The following EYS variants were observed in gnomAD, a reference collection of about 807,000 sequenced individuals.
EYS encodes protein eyes shut homolog.
A neutral mutation model predicts 282.1 loss-of-function variants in EYS; 250 were observed. That is an observed-to-expected ratio of 0.89 (90% CI 0.80 to 0.98). EYS has a LOEUF of 0.98. EYS is among the 50% of genes least tolerant of loss of function. The probability of loss-of-function intolerance (pLI) is 0.00; values close to 1 mark genes in which losing one functional copy is unlikely to be tolerated. For missense variants in EYS, 4,016 were observed against 3,709.0 expected (o/e 1.08, Z -2.15); for synonymous variants, 1,355 against 1,282.9 (o/e 1.06, Z -1.20).
chr6:65,365,327 T>C (rs1764874346), intron 8 of EYS, among the ~76,000 whole-genome samples: 1 of 151,404 alleles, frequency 6.6e-6, no homozygotes, highest in African/African-American at 2.4e-5. Context: ...GCCTGAAAAA[T>C]TTTCTGCCTG....
intron 18 of EYS, among the ~76,000 whole-genome samples, chr6:64,898,832 T>C (rs1562249122): frequency 6.6e-6 from 1 of 150,454 alleles, no homozygotes; most frequent in Non-Finnish European, 1.5e-5. Context: ...AAACAGACAT[T>C]AACCAACAAA....
intron 33 of EYS, among the ~76,000 whole-genome samples, chr6:64,055,558 T>C (rs1770957337): frequency 6.6e-6 from 1 of 152,182 alleles, no homozygotes; most frequent in Admixed American, 6.5e-5. Flanking sequence ...AATGAATCTA[T>C]AAAGATTCCT....
At chr6:65,022,055 G>A (rs1203965243) in intron 13 of EYS, among the ~76,000 whole-genome samples, 1 of 152,166 alleles carries the variant, frequency 6.6e-6, no homozygotes, top group Non-Finnish European at 1.5e-5. Context: ...ATATGGGTGG[G>A]AACACAGCCA....
At chr6:64,792,301 T>C (rs1023238682) in intron 22 of EYS, among the ~76,000 whole-genome samples, 2 of 151,976 alleles carry the variant, frequency 1.3e-5, no homozygotes, top group Non-Finnish European at 2.9e-5. Context: ...ACTCATAATG[T>C]TCTGGATCAG....
chr6:64,799,215 T>A (rs1331644041), intron 22 of EYS, among the ~76,000 whole-genome samples: 1 of 151,928 alleles, frequency 6.6e-6, no homozygotes, highest in Non-Finnish European at 1.5e-5. Context: ...TTAATTTAAA[T>A]GATGGTTCCT....
At chr6:64,470,361 A>G (rs557210839) in intron 26 of EYS, among the ~76,000 whole-genome samples, 1 of 152,366 alleles carries the variant, frequency 6.6e-6, no homozygotes, top group Admixed American at 6.5e-5. Context: ...TAGAAAAACA[A>G]TCAGGGAAAC....
intron 28 of EYS, among the ~76,000 whole-genome samples, chr6:64,427,174 C>T (rs542354902): frequency 2.0e-5 from 3 of 152,254 alleles, no homozygotes; most frequent in East Asian, 3.9e-4. Context: ...ACAGGATTAT[C>T]TAGGAATTTA....
intron 19 of EYS, among the ~76,000 whole-genome samples, chr6:64,844,559 T>C (rs1365081286): frequency 2.6e-5 from 4 of 152,058 alleles, no homozygotes; most frequent in Admixed American, 1.3e-4. Flanking sequence ...ATATTTAAAT[T>C]TTTGTAGACC....
At chr6:64,312,787 G>A (rs1007548920) in intron 29 of EYS, among the ~76,000 whole-genome samples, 4 of 152,242 alleles carry the variant, frequency 2.6e-5, no homozygotes, top group South Asian at 4.1e-4. Context: ...AGTAGCAGAG[G>A]GAACTGACTG....
At chr6:64,159,906 T>C (rs1387653365) in intron 31 of EYS, among the ~76,000 whole-genome samples, 1 of 152,190 alleles carries the variant, frequency 6.6e-6, no homozygotes, top group African/African-American at 2.4e-5. Flanking sequence ...GTTTCCTTTG[T>C]TCGGAATAAT....
chr6:64,374,692 G>A (rs1478066399), intron 29 of EYS, among the ~76,000 whole-genome samples: 2 of 152,128 alleles, frequency 1.3e-5, no homozygotes, highest in Non-Finnish European at 2.9e-5. Flanking sequence ...TCCTCTACGT[G>A]AGAGTGGCAT....
chr6:64,648,415 A>G (rs1302448668), intron 22 of EYS, among the ~76,000 whole-genome samples: 3 of 152,206 alleles, frequency 2.0e-5, no homozygotes, highest in Non-Finnish European at 4.4e-5. Context: ...GGTTGAAATG[A>G]TCATAAAATT....
At chr6:64,467,139 A>G (rs2150489515) in intron 26 of EYS, among the ~76,000 whole-genome samples, 1 of 152,334 alleles carries the variant, frequency 6.6e-6, no homozygotes, top group South Asian at 2.1e-4. Context: ...ACTTCTAATA[A>G]CATGGGACAA....
intron 26 of EYS, among the ~76,000 whole-genome samples, chr6:64,470,594 A>T (rs1776094007): frequency 9.2e-5 from 14 of 152,142 alleles, no homozygotes; most frequent in Admixed American, 9.2e-4. Flanking sequence ...ATAGCTAATG[A>T]GCTAAAAAAA....
Position 63,729,398 on chromosome 6 carries a change from C to T in EYS, c.8072-2718G>A, listed in dbSNP as rs114902369. On this transcript the variant is annotated intron_variant, in intron 41 of 42. Coordinates refer to ENST00000503581, the MANE Select transcript of EYS (RefSeq NM_001142800.2). ...GCATCTAGAAACTCATCATCAAACT[C>T]AAAGTCATCTAGATTTTCTCTTATA... Among the ~76,000 whole-genome samples the T allele has an allele frequency of 3.5e-3, 532 of 152,062 alleles. 3 individuals carry two copies. The highest frequency in any genetic ancestry group is 0.01 in the African/African-American group (419 of 41,530).
At chr6:64,843,536 C>T (rs570835334) in intron 19 of EYS, among the ~76,000 whole-genome samples, 19 of 152,320 alleles carry the variant, frequency 1.2e-4, no homozygotes, top group South Asian at 2.1e-4. Context: ...TTTACTGCCC[C>T]GCTGGATTTT....
intron 11 of EYS, among the ~76,000 whole-genome samples, chr6:65,325,756 C>T (rs1452361194): frequency 1.3e-5 from 2 of 151,990 alleles, no homozygotes; most frequent in African/African-American, 4.8e-5. Flanking sequence ...TAGTTCCAGC[C>T]TCTAATTAGT....
intron 29 of EYS, among the ~76,000 whole-genome samples, chr6:64,343,999 A>G (rs556633517): frequency 3.3e-5 from 5 of 152,306 alleles, no homozygotes; most frequent in Admixed American, 1.3e-4. Flanking sequence ...TCCCAAGACT[A>G]AACCAGGAAG....
At chr6:64,554,914 A>T (rs1765191650) in intron 26 of EYS, among the ~76,000 whole-genome samples, 1 of 152,036 alleles carries the variant, frequency 6.6e-6, no homozygotes, top group Non-Finnish European at 1.5e-5. Flanking sequence ...ATCCTTGGAC[A>T]TTATTAATGA....
Sources: allele counts gnomAD v4.1 joint callset (sites outside exome capture counted in the v4.1 genomes callset), GRCh38; gene constraint gnomAD v4.1.1; transcripts MANE v1.5; gene names NCBI Gene and HGNC (gene_info 2026-07-23, HGNC 2026-07-21).